Variants in FBXW7 observed in about 807,000 individuals in gnomAD.
FBXW7 encodes F-box/WD repeat-containing protein 7.
In FBXW7, 11 loss-of-function variants were observed where a neutral mutation model predicts 86.3. That is an observed-to-expected ratio of 0.13 (90% CI 0.08 to 0.21). The LOEUF is 0.21. Ranked by LOEUF, FBXW7 falls within the 10% of genes least tolerant of loss-of-function variation. The pLI is 1.00. For synonymous variants in FBXW7, 313 were observed against 297.9 expected (o/e 1.05, Z -0.52); for missense variants, 488 against 847.4 (o/e 0.58, Z 5.27).
intron 4 of FBXW7, among the ~76,000 whole-genome samples, chr4:152,402,921 A>C (rs1737076527): frequency 6.7e-6 from 1 of 149,968 alleles, no homozygotes; most frequent in Non-Finnish European, 1.5e-5. Flanking sequence ...CTATGAAGAT[A>C]CTTCACATTG....
At chr4:152,418,391 A>G (rs1738642797) in intron 2 of FBXW7, among the ~76,000 whole-genome samples, 1 of 152,214 alleles carries the variant, frequency 6.6e-6, no homozygotes, top group African/African-American at 2.4e-5. Context: ...TGAGCTTTTG[A>G]AAAACATGTT....
intron 4 of FBXW7, among the ~76,000 whole-genome samples, chr4:152,389,670 T>G (rs1346840980): frequency 3.3e-5 from 5 of 152,172 alleles, no homozygotes; most frequent in African/African-American, 1.2e-4. Context: ...TGTATACTAT[T>G]TGGGTGACAG....
At chr4:152,465,120 C>T (rs923823989) in intron 2 of FBXW7, among the ~76,000 whole-genome samples, 2 of 151,782 alleles carry the variant, frequency 1.3e-5, no homozygotes, top group African/African-American at 4.8e-5. Context: ...AGAAGCTGTG[C>T]TACCTATTAT....
At chr4:152,330,617 C>A in intron 9 of FBXW7, 115 bp downstream of exon 9, 1 of 842,234 alleles carries the variant, frequency 1.2e-6, no homozygotes, top group African/African-American at 1.8e-5. Flanking sequence ...TTAAAATATA[C>A]GGTTTTCTTT....
At chr4:152,518,785 T>C (rs1748736604) in intron 2 of FBXW7, among the ~76,000 whole-genome samples, 1 of 152,210 alleles carries the variant, frequency 6.6e-6, no homozygotes, top group Admixed American at 6.5e-5. Flanking sequence ...GTTTAGCTCT[T>C]TTTAAGGTAA....
chr4:152,446,589 C>T (rs997361299), intron 2 of FBXW7, among the ~76,000 whole-genome samples: 5 of 152,268 alleles, frequency 3.3e-5, no homozygotes, highest in South Asian at 2.1e-4. Flanking sequence ...TTTTAATGCT[C>T]GATCCAGGGC....
At chr4:152,476,304 T>C (rs1744391338) in intron 2 of FBXW7, among the ~76,000 whole-genome samples, 1 of 152,092 alleles carries the variant, frequency 6.6e-6, no homozygotes, top group African/African-American at 2.4e-5. Context: ...GAACTCTACC[T>C]CATAACTTAT....
chr4:152,521,146 A>C (rs1322078743), intron 2 of FBXW7, among the ~76,000 whole-genome samples: 1 of 152,172 alleles, frequency 6.6e-6, no homozygotes, highest in Non-Finnish European at 1.5e-5. Flanking sequence ...TGACTAAGAC[A>C]AGACTCTTGC....
chr4:152,338,119 CCAA>C, intron 6 of FBXW7, 183 bp from the exon 7 acceptor site: 1 of 402,440 alleles, frequency 2.5e-6, no homozygotes, highest in Non-Finnish European at 4.3e-6. Flanking sequence ...TCATCACTTA[CCAA>C]CAACTTTTAT....
intron 7 of FBXW7, among the ~76,000 whole-genome samples, chr4:152,334,231 T>TA (rs1327411258): frequency 6.6e-6 from 1 of 152,212 alleles, no homozygotes; most frequent in Non-Finnish European, 1.5e-5. Flanking sequence ...AGACCAGTAT[T>TA]ATGTAGAGAA....
At chr4:152,363,709 T>C (rs1374639830) in intron 4 of FBXW7, among the ~76,000 whole-genome samples, 1 of 152,194 alleles carries the variant, frequency 6.6e-6, no homozygotes, top group East Asian at 1.9e-4. Flanking sequence ...ACTCACTATA[T>C]GTCAGGCACT....
intron 4 of FBXW7, among the ~76,000 whole-genome samples, chr4:152,368,087 T>C (rs1274462970): frequency 6.6e-6 from 1 of 152,042 alleles, no homozygotes; most frequent in Non-Finnish European, 1.5e-5. Context: ...CAGAATGATT[T>C]TTAACGCACT....
chr4:152,352,789 A>C, intron 4 of FBXW7: 1 of 1,594,006 alleles, frequency 6.3e-7, no homozygotes, highest in Non-Finnish European at 8.5e-7. Context: ...AACGGAGAAG[A>C]TTATTGGAGG....
chr4:152,368,238 T>C (rs965723861), intron 4 of FBXW7, among the ~76,000 whole-genome samples: 48 of 152,226 alleles, frequency 3.2e-4, no homozygotes, highest in African/African-American at 1.1e-3. Flanking sequence ...GTAATGAGCA[T>C]GAGCAGCTGA....
rs779779028 is a variant in FBXW7 at position 152,352,497 on chromosome 4, G to A, written c.502-2373C>T. On this transcript the variant is annotated intron_variant, in intron 4 of 13. Coordinates refer to ENST00000281708, the MANE Select transcript of FBXW7 (RefSeq NM_001349798.2). Reference sequence around the variant, plus strand: ...TGTAAAAAATCATTTTTAATGTGCCGTAGAAACCCATATTTTCTGTATTTT... The same window carrying A: ...TGTAAAAAATCATTTTTAATGTGCCATAGAAACCCATATTTTCTGTATTTT... 19 of 1,613,670 alleles carry A rather than the reference G, an allele frequency of 1.2e-5. 1 individual carries two copies. Among genetic ancestry groups the A allele is most frequent in the East Asian group, 6.7e-5 (3 of 44,842 alleles).
chr4:152,456,858 T>C (rs1742464116), intron 2 of FBXW7, among the ~76,000 whole-genome samples: 1 of 152,194 alleles, frequency 6.6e-6, no homozygotes, highest in Non-Finnish European at 1.5e-5. Context: ...AATCAGCCAT[T>C]CCACTCATAG....
At chr4:152,440,703 G>A (rs1233524206) in intron 2 of FBXW7, among the ~76,000 whole-genome samples, 1 of 152,076 alleles carries the variant, frequency 6.6e-6, no homozygotes, top group African/African-American at 2.4e-5. Context: ...TAACAAAAAA[G>A]GGGAGAAAAT....
Position 152,328,193 on chromosome 4 carries a change from A to T in FBXW7, c.1418+15T>A, listed in dbSNP as rs2126512222. On this transcript the variant is annotated intron_variant, in intron 11 of 13. Coordinates refer to ENST00000281708, the MANE Select transcript of FBXW7 (RefSeq NM_001349798.2). The stretch of plus-strand genomic sequence containing the variant: ...TAGAGGAAGAAGTCCCAACCATGAC[A>T]AGATTTTCCCTTACCTTTTTTCATG... The T allele has an allele frequency of 1.3e-6, 2 of 1,577,958 alleles. No individual in the cohort carries two copies. Among genetic ancestry groups the T allele is most frequent in the Non-Finnish European group, 1.7e-6 (2 of 1,165,532 alleles).
intron 2 of FBXW7, chr4:152,530,227 C>G (rs1469132905): frequency 6.6e-6 from 1 of 151,670 alleles, no homozygotes; most frequent in Non-Finnish European, 1.5e-5. Context: ...TTGAAATTAA[C>G]AAAACAAAAA....
Sources: gnomAD v4.1 joint callset for allele counts (sites outside exome capture counted in the v4.1 genomes callset) on GRCh38, gnomAD v4.1.1 for gene constraint, MANE v1.5 for transcripts, NCBI Gene and HGNC (gene_info 2026-07-23, HGNC 2026-07-21) for gene names.